Variants in WDR81 observed in about 807,000 individuals in gnomAD.
WDR81 encodes WD repeat-containing protein 81.
WDR81 carries 92 observed loss-of-function variants against 140.8 expected under a neutral mutation model. The observed-to-expected ratio is 0.65, with a 90% CI of 0.55 to 0.78. The LOEUF (loss-of-function observed/expected upper bound fraction) is 0.78, where lower values mean the gene tolerates loss of function less well. WDR81 is among the 30% of genes least tolerant of loss of function. WDR81 has a pLI of 0.00. For synonymous variants in WDR81, 1,183 were observed against 1,156.4 expected, an observed-to-expected ratio of 1.02 and a Z score of -0.47; for missense variants, 2,502 against 2,636.4, an observed-to-expected ratio of 0.95 and a Z score of 1.12.
intron 9 of WDR81, among the ~76,000 whole-genome samples, chr17:1,736,745 G>A (rs1904901728): frequency 6.6e-6 from 1 of 152,132 alleles, no homozygotes; most frequent in African/African-American, 2.4e-5. Context: ...GCCTCGGGGA[G>A]CTGCTCAGGG....
intron 1 of WDR81, 138 bp from the exon 2 acceptor site, chr17:1,730,242 G>T (rs1915595838): frequency 1.5e-6 from 1 of 665,210 alleles, no homozygotes. Context: ...GGAGGGGGTG[G>T]TGTGGGACAG....
chr17:1,725,583 C>T lies in WDR81; in HGVS notation c.624C>T (p.Pro208=), dbSNP rs1285784806. The T allele has an allele frequency of 3.2e-6, 5 of 1,545,230 alleles. No individual in the cohort carries two copies. The highest frequency in any genetic ancestry group is 3.9e-5 in the Admixed American group (2 of 51,000). ...CPSYAREGPC[P]PRGSPACPSL... ...CATATGCCAGAGAAGGCCCCTGCCC[C>T]CCTCGGGGCAGCCCTGCTTGCCCTA... is the stretch of plus-strand genomic sequence containing the variant. The change falls in exon 1 of 10, where the codon CCC becomes CCT. Residue 208 remains proline (P), a synonymous_variant. Transcript: ENST00000409644.
At chr17:1,734,838 A>G (rs1431840329) in intron 7 of WDR81, among the ~76,000 whole-genome samples, 1 of 151,782 alleles carries the variant, frequency 6.6e-6, no homozygotes, top group African/African-American at 2.4e-5. Context: ...TGTAGCAGAT[A>G]TTTGGTCAAT....
chr17:1,732,765 G>A lies in WDR81; in HGVS notation c.4423G>A (p.Glu1475Lys), dbSNP rs774204130. 4.3e-6 allele frequency: 7 copies of A among 1,613,144 alleles called. No homozygotes were observed. Among genetic ancestry groups the A allele is most frequent in the Admixed American group, 1.7e-5 (1 of 60,002 alleles). The stretch of plus-strand genomic sequence containing the variant: ...GCCCGTGGACCCCGCCCTGCTGGAC[G>A]AGCTGCAGAAGGTGTTCACCCTGGA... ...QRPVDPALLD[E>K]LQKVFTLEMA... Residue 1475 changes from glutamate to lysine, a missense_variant, in exon 6 of 10, where the codon GAG (glutamate) becomes AAG (lysine). Glu to Lys is a moderately conservative substitution (Grantham distance 56). Transcript: ENST00000409644.
At chr17:1,719,277 G>A (rs978358695) in intron 1 of WDR81, among the ~76,000 whole-genome samples, 6 of 152,226 alleles carry the variant, frequency 3.9e-5, no homozygotes, top group Admixed American at 6.5e-5. Context: ...CCCGGGCGCG[G>A]TGGCTCATGC....
intron 6 of WDR81, 110 bp downstream of exon 6, chr17:1,732,941 A>G: frequency 1.4e-6 from 2 of 1,384,780 alleles, no homozygotes; most frequent in Non-Finnish European, 9.7e-7. Flanking sequence ...AAGAGCCAGC[A>G]GGATGGGTGA....
In WDR81 at chr17:1,735,751, G is replaced by C; in HGVS notation, c.5325+34G>C. ...GGTCCAGTTCCCTGAGCACTCGCCTGGTTCTCTGGGGACCTGGCAAGGAGG... is the reference window on the plus strand; with the variant it reads ...GGTCCAGTTCCCTGAGCACTCGCCTCGTTCTCTGGGGACCTGGCAAGGAGG... On this transcript the variant is annotated intron_variant, in intron 8 of 9. Coordinates refer to ENST00000409644, the MANE Select transcript of WDR81 (RefSeq NM_001163809.2). The surrounding 1 kb of genome is among the most constrained non-coding windows in gnomAD (Gnocchi z 4.2). The C allele has an allele frequency of 1.9e-6, 3 of 1,577,146 alleles. No homozygotes were observed. In the South Asian group the frequency reaches 3.4e-5, roughly 18 times the overall value.
chr17:1,717,018 T>A, intron 1 of WDR81: 1 of 330,404 alleles, frequency 3.0e-6, no homozygotes. Flanking sequence ...TAACAAAAGA[T>A]TCATAGCACA....
At chr17:1,737,336 C>T (rs1904957775) in intron 9 of WDR81, 29 bp from the exon 10 acceptor site, 5 of 1,572,260 alleles carry the variant, frequency 3.2e-6, no homozygotes, top group South Asian at 1.2e-5. Context: ...GACCCAGGCT[C>T]CTGCTGAGGC....
Position 1,730,915 on chromosome 17 carries a change from C to A in WDR81, c.3936C>A (p.Thr1312=), listed in dbSNP as rs1305025347. 6.2e-7 allele frequency: 1 copy of A among 1,613,312 alleles called. No individual in the cohort carries two copies. Among genetic ancestry groups the A allele is most frequent in the East Asian group, 2.2e-5 (1 of 44,882 alleles). Residue 1312 remains threonine, a synonymous_variant, in exon 3 of 10, where the codon ACC becomes ACA. Coordinates refer to ENST00000409644, the MANE Select transcript of WDR81 (RefSeq NM_001163809.2). The part of the protein sequence containing the change: ...IARLYGEPVL[T]YQYLPYISYL... ...GCCTGTATGGGGAGCCTGTCCTCAC[C>A]TACCAGTACCTGCCCTACATCAGCT...
chr17:1,734,984 G>GAGCCT lies in WDR81; in HGVS notation c.5180-587_5180-583dup, dbSNP rs1229413687. ...AGAGAGGAGGTTGCTTTGGGGATGG[G>GAGCCT]AGCCTGGCCGGGCCATGGAAGCAGG... On this transcript the variant is annotated intron_variant, in intron 7 of 9. Transcript: ENST00000409644. Among the ~76,000 whole-genome samples the GAGCCT allele has an allele frequency of 2.0e-5, 3 of 152,016 alleles. No homozygotes were observed. In the East Asian group the frequency reaches 5.8e-4, roughly 29 times the overall value.
At chr17:1,730,582 C>G (rs1915625812) in intron 2 of WDR81, 95 bp downstream of exon 2, 1 of 1,422,772 alleles carries the variant, frequency 7.0e-7, no homozygotes, top group African/African-American at 1.4e-5. Flanking sequence ...TCCCACCCCT[C>G]CCTCAAACCA....
Position 1,725,769 on chromosome 17 carries a change from T to A in WDR81, c.810T>A (p.Ala270=). The A allele has an allele frequency of 6.4e-7, 1 of 1,550,678 alleles. No individual in the cohort carries two copies. Among genetic ancestry groups the A allele is most frequent in the Non-Finnish European group, 8.7e-7 (1 of 1,147,018 alleles). ...TCATTCTCTTCCGCGTGCTGAGGGC[T>A]ATGGACGCCTGTCACCGCCAGGGGC... ...VLFILFRVLR[A]MDACHRQGLA... Residue 270 remains alanine, a synonymous_variant, in exon 1 of 10, where the codon GCT becomes GCA. Coordinates refer to ENST00000409644, the MANE Select transcript of WDR81 (RefSeq NM_001163809.2).
At position 1,725,452 on chromosome 17, in the gene WDR81, A is replaced by G. The variant is rs1915172699; in HGVS notation, c.493A>G (p.Ser165Gly). ...YHTYGQPYSHSPAPSAVPALD... is the reference protein window; with the variant it reads ...YHTYGQPYSHGPAPSAVPALD... Reference sequence around the variant, plus strand: ...CACTTACGGCCAGCCGTACAGTCACAGCCCTGCCCCCTCAGCTGTCCCTGC... The same window carrying G: ...CACTTACGGCCAGCCGTACAGTCACGGCCCTGCCCCCTCAGCTGTCCCTGC... Residue 165 changes from serine to glycine, a missense_variant, in exon 1 of 10, where the codon AGC becomes GGC. By Grantham distance (56) the Ser-to-Gly change is moderately conservative. Around this residue, in one of 3 missense-constraint regions of WDR81, gnomAD observed 547 missense variants for 513.8 expected, o/e 1.06. Transcript: ENST00000409644. 6.5e-7 allele frequency: 1 copy of G among 1,549,216 alleles called. No homozygotes were observed. The highest frequency in any genetic ancestry group is 1.4e-5 in the African/African-American group (1 of 73,066).
rs1171855351 is a variant in WDR81, at chr17:1,735,354, G to A, written c.5180-218G>A. ...TGAGGCAAGAGAATTGCTTGAACCT[G>A]GGAGGTGGAGGTTGCAGTGAGCCGA... On this transcript the variant is annotated intron_variant, in intron 7 of 9. Transcript: ENST00000409644. The surrounding 1 kb of genome is among the most constrained non-coding windows in gnomAD (Gnocchi z 4.2). Among the ~76,000 whole-genome samples, 2 of 152,114 alleles carry A rather than the reference G, an allele frequency of 1.3e-5. No individual in the cohort carries two copies. Among genetic ancestry groups the A allele is most frequent in the Non-Finnish European group, 2.9e-5 (2 of 68,032 alleles).
In WDR81 at chr17:1,732,648, T is replaced by G; in HGVS notation, c.4324-18T>G. ...GGAGCTGTGGACCCGGCTGACCCCC[T>G]GGGTGTCTTGCTCATAGGATCTGAA... On this transcript the variant is annotated intron_variant, in intron 5 of 9. Coordinates refer to ENST00000409644, the MANE Select transcript of WDR81 (RefSeq NM_001163809.2). 1.3e-6 allele frequency: 2 copies of G among 1,590,776 alleles called. No individual in the cohort carries two copies. Among genetic ancestry groups the G allele is most frequent in the African/African-American group, 2.7e-5 (2 of 74,628 alleles).
At chr17:1,721,658 C>G (rs532949020), upstream of WDR81, among the ~76,000 whole-genome samples, 1 of 151,002 alleles carries the variant, frequency 6.6e-6, no homozygotes, top group Non-Finnish European at 1.5e-5. Flanking sequence ...CTGGTTACTA[C>G]AAAAATACAA....
rs1915107555 is a variant in WDR81, at chr17:1,724,793, G to A, written c.-167G>A. 1 of 1,181,324 alleles carries A rather than the reference G, an allele frequency of 8.5e-7. No homozygotes were observed. Among genetic ancestry groups the A allele is most frequent in the Non-Finnish European group, 1.0e-6 (1 of 955,364 alleles). The allele number at this position is 1,181,324 out of a possible 1,614,324, so 73.2% of individuals were successfully genotyped here. The stretch of plus-strand genomic sequence containing the variant: ...GCGCAGGACCCGCGGAGGGGTAAGC[G>A]CGCCCCCCGTCCGCCTCTTCGCCGC... On this transcript the variant is annotated 5_prime_UTR_variant, in exon 1 of 10. Coordinates refer to ENST00000409644, the MANE Select transcript of WDR81 (RefSeq NM_001163809.2).
Position 1,731,629 on chromosome 17 carries a change from C to T in WDR81, c.4157+371C>T, listed in dbSNP as rs181215926. Among the ~76,000 whole-genome samples the T allele has an allele frequency of 3.1e-3, 475 of 152,110 alleles. 3 individuals are homozygous for T. The highest frequency in any genetic ancestry group is 0.011 in the East Asian group (58 of 5,150). ...TCTAAAAATATATATAAAGGCCGAG[C>T]GTGGTGTCTCACCCCTGTAATCCCA... On this transcript the variant is annotated intron_variant, in intron 4 of 9. Transcript: ENST00000409644.
Sources: allele counts gnomAD v4.1 joint callset (sites outside exome capture counted in the v4.1 genomes callset), GRCh38; gene constraint gnomAD v4.1.1; regional missense constraint gnomAD v4.1.1; non-coding constraint Gnocchi (gnomAD v3.1); transcripts MANE v1.5; gene names NCBI Gene and HGNC (gene_info 2026-07-23, HGNC 2026-07-21).